The following GLI2 variants were observed in gnomAD, a reference collection of about 807,000 sequenced individuals.
GLI2 encodes the protein transcription activator GLI2.
A neutral mutation model predicts 78.9 loss-of-function variants in GLI2; 22 were observed. The observed-to-expected ratio is 0.28, with a 90% CI of 0.20 to 0.40. The LOEUF is 0.40. GLI2 is among the 10% of genes least tolerant of loss of function. The pLI is 1.00. For synonymous variants in GLI2, 974 were observed against 963.7 expected (o/e 1.01, Z -0.20); for missense variants, 2,097 against 2,213.2 (o/e 0.95, Z 1.05).
chr2:120,984,431 C>T (rs199511319), intron 11 of GLI2, 40 bp from the exon 12 acceptor site: 478 of 1,608,214 alleles, frequency 3.0e-4, no homozygotes, highest in Admixed American at 7.7e-4. Context: ...AGTTGATCCT[C>T]GTACCCCTAT....
chr2:120,784,018 T>A (rs1435106540), intron 1 of GLI2, among the ~76,000 whole-genome samples: 1 of 152,192 alleles, frequency 6.6e-6, no homozygotes, highest in African/African-American at 2.4e-5. Flanking sequence ...CTGGGGTCAG[T>A]TAAACATCCC....
chr2:120,951,107 G>A, intron 3 of GLI2, 136 bp from the exon 4 acceptor site: 4 of 729,620 alleles, frequency 5.5e-6, no homozygotes, highest in South Asian at 2.9e-5. Context: ...GGGAATGTCG[G>A]TGTAGCAAAT....
chr2:120,781,085 T>A (rs1230781354), intron 1 of GLI2, among the ~76,000 whole-genome samples: 1 of 152,160 alleles, frequency 6.6e-6, no homozygotes, highest in African/African-American at 2.4e-5. Context: ...TGCTCCATAG[T>A]CTATAAAAGG....
In GLI2 at chr2:120,888,889, G is replaced by A. The variant is rs79744870; in HGVS notation, c.149-38472G>A. On this transcript the variant is annotated intron_variant, in intron 2 of 13. Transcript: ENST00000361492. The stretch of plus-strand genomic sequence containing the variant: ...AGGCTTATCAGTTAGTGGTGACTTC[G>A]TGTTTCTAGTTCTCCATGTTGATGG... 2.3e-3 allele frequency among the ~76,000 whole-genome samples: 347 copies of A among 152,268 alleles called. 3 individuals carry two copies. Among genetic ancestry groups the A allele is most frequent in the East Asian group, 0.011 (58 of 5,168 alleles).
rs143920718 is a variant in GLI2 at position 120,931,369 on chromosome 2, T to C, written c.254+3903T>C. On this transcript the variant is annotated intron_variant, in intron 3 of 13. Coordinates refer to ENST00000361492, the MANE Select transcript of GLI2 (RefSeq NM_001374353.1). ...AGTTTTCTCCCCTGCTTCTCTCTTC[T>C]AAGGACACCTGCTATTGCCTTTCGG... Among the ~76,000 whole-genome samples, 491 of 152,334 alleles carry C rather than the reference T, an allele frequency of 3.2e-3. 2 individuals carry two copies. The highest frequency in any genetic ancestry group is 0.011 in the African/African-American group (463 of 41,576).
intron 2 of GLI2, among the ~76,000 whole-genome samples, chr2:120,839,251 CA>C (rs565397849): frequency 6.6e-6 from 1 of 152,194 alleles, no homozygotes; most frequent in East Asian, 1.9e-4. Context: ...GGATTGTTGT[CA>C]AATATTTGTA....
chr2:120,900,848 T>A (rs1341067932), intron 2 of GLI2, among the ~76,000 whole-genome samples: 1 of 152,174 alleles, frequency 6.6e-6, no homozygotes, highest in African/African-American at 2.4e-5. Flanking sequence ...TTCAGAGTTG[T>A]GGGTTCAGAT....
chr2:120,965,285 C>T (rs1193700735), intron 5 of GLI2, among the ~76,000 whole-genome samples: 1 of 149,698 alleles, frequency 6.7e-6, no homozygotes, highest in Non-Finnish European at 1.5e-5. Context: ...ACACTCCAGC[C>T]GGGATGCAGA....
chr2:120,744,707 G>A (rs1412811049), intron 1 of GLI2, among the ~76,000 whole-genome samples: 1 of 152,080 alleles, frequency 6.6e-6, no homozygotes, highest in East Asian at 1.9e-4. Flanking sequence ...AAATGTGCTT[G>A]TACCCAAGAA....
chr2:120,771,019 G>T (rs1683504903), intron 1 of GLI2, among the ~76,000 whole-genome samples: 2 of 152,222 alleles, frequency 1.3e-5, no homozygotes, highest in Non-Finnish European at 1.5e-5. Context: ...TCTGCATTTT[G>T]TCTGGCTGCC....
At chr2:120,763,037 G>A (rs1306409837) in intron 1 of GLI2, among the ~76,000 whole-genome samples, 3 of 152,196 alleles carry the variant, frequency 2.0e-5, no homozygotes, top group African/African-American at 7.2e-5. Context: ...AGCCCTGGGA[G>A]GCTCTGGAGC....
Position 120,768,966 on chromosome 2 carries a change from CTTCA to C in GLI2, c.-30-28316_-30-28313del, listed in dbSNP as rs533564585. Among the ~76,000 whole-genome samples the C allele has an allele frequency of 6.4e-4, 97 of 152,280 alleles. 1 individual carries two copies. Among genetic ancestry groups the C allele is most frequent in the Admixed American group, 5.4e-3 (82 of 15,298 alleles). On this transcript the variant is annotated intron_variant, in intron 1 of 13. Coordinates refer to ENST00000361492, the MANE Select transcript of GLI2 (RefSeq NM_001374353.1). ...TGGGGAGCTGACCATTCTTTTAGCT[CTTCA>C]TTCATTCAACCAGGAACTTTGACAG...
At chr2:120,783,618 C>T (rs755342876) in intron 1 of GLI2, among the ~76,000 whole-genome samples, 11 of 151,974 alleles carry the variant, frequency 7.2e-5, no homozygotes, top group African/African-American at 2.4e-4. Flanking sequence ...CAAGAAACCA[C>T]GAAGTGCAGG....
intron 1 of GLI2, among the ~76,000 whole-genome samples, chr2:120,784,905 C>T (rs867153527): frequency 2.6e-5 from 4 of 152,194 alleles, no homozygotes; most frequent in African/African-American, 4.8e-5. Flanking sequence ...CCACCCCACA[C>T]CTGGACTGGA....
intron 2 of GLI2, among the ~76,000 whole-genome samples, chr2:120,804,125 G>T (rs2104711004): frequency 6.6e-6 from 1 of 152,286 alleles, no homozygotes; most frequent in East Asian, 1.9e-4. Context: ...ATGTCTATAT[G>T]GGAATGCTGT....
chr2:120,774,623 A>G (rs1025988769), intron 1 of GLI2, among the ~76,000 whole-genome samples: 1 of 152,212 alleles, frequency 6.6e-6, no homozygotes, highest in Non-Finnish European at 1.5e-5. Context: ...GGAAAATTGA[A>G]ATAAAACCCC....
intron 2 of GLI2, among the ~76,000 whole-genome samples, chr2:120,858,657 C>T (rs1256753390): frequency 6.6e-6 from 1 of 152,176 alleles, no homozygotes; most frequent in Non-Finnish European, 1.5e-5. Context: ...GCCCTCTGTG[C>T]AGCCCAGTGG....
intron 2 of GLI2, among the ~76,000 whole-genome samples, chr2:120,894,189 T>G (rs1415801276): frequency 6.6e-6 from 1 of 152,230 alleles, no homozygotes; most frequent in Non-Finnish European, 1.5e-5. Context: ...GGAGCTCAGC[T>G]TGCTTTCCTG....
rs140356471 is a variant in GLI2, at chr2:120,978,559, G to A, written c.1443G>A (p.Thr481=). 77 of 1,613,918 alleles carry A rather than the reference G, an allele frequency of 4.8e-5. No individual in the cohort carries two copies. In the East Asian group the frequency reaches 7.8e-4, roughly 16 times the overall value. ...TGGTGGTGCACATGCGGCGACACAC[G>A]GGCGAGAAGCCCCACAAGTGCACGG... ...YMLVVHMRRH[T]GEKPHKCTFE... is the part of the protein sequence containing the mutation. Residue 481 remains threonine, a synonymous_variant, in exon 10 of 14, where the codon ACG becomes ACA. Transcript: ENST00000361492.
Sources: allele counts gnomAD v4.1 joint callset (sites outside exome capture counted in the v4.1 genomes callset), GRCh38; gene constraint gnomAD v4.1.1; transcripts MANE v1.5; gene names NCBI Gene and HGNC (gene_info 2026-07-23, HGNC 2026-07-21).